FNDC7: variants seen among roughly 807,000 people sequenced by gnomAD.
FNDC7 encodes the protein fibronectin type III domain-containing protein 7.
In FNDC7, 66 loss-of-function variants were observed where a neutral mutation model predicts 74.2. The observed-to-expected ratio is 0.89, with a 90% CI of 0.73 to 1.09. The LOEUF (loss-of-function observed/expected upper bound fraction) is 1.09. Ranked by LOEUF, FNDC7 falls within the 50% of genes least tolerant of loss-of-function variation. The probability of loss-of-function intolerance (pLI) is 0.00; values close to 1 mark genes in which losing one functional copy is unlikely to be tolerated. For synonymous variants in FNDC7, 307 were observed against 330.2 expected (o/e 0.93, Z 0.76); for missense variants, 829 against 893.4 (o/e 0.93, Z 0.92).
intron 2 of FNDC7, among the ~76,000 whole-genome samples, chr1:108,715,547 T>C (rs1344903256): frequency 1.3e-5 from 2 of 152,200 alleles, no homozygotes; most frequent in Non-Finnish European, 2.9e-5. Flanking sequence ...GTTTGCCGCA[T>C]ACTCCTCAGA....
At chr1:108,740,623 G>A (rs1047705333) in intron 11 of FNDC7, among the ~76,000 whole-genome samples, 5 of 151,960 alleles carry the variant, frequency 3.3e-5, no homozygotes, top group Non-Finnish European at 5.9e-5. Context: ...CCACCGCACC[G>A]GCCATAAACA....
At chr1:108,724,493 C>A (rs938607786) in intron 5 of FNDC7, among the ~76,000 whole-genome samples, 3 of 151,980 alleles carry the variant, frequency 2.0e-5, no homozygotes, top group Non-Finnish European at 4.4e-5. Flanking sequence ...GGGGCTCATG[C>A]CTGTAATCTC....
rs537974686 is a variant in FNDC7, at chr1:108,728,934, T to G, written c.1624+48T>G. 8.1e-5 allele frequency: 130 copies of G among 1,595,576 alleles called. No homozygotes were observed. The South Asian group carries it at 1.4e-3, about 17-fold the overall frequency. On this transcript the variant is annotated intron_variant, in intron 8 of 12. Transcript: ENST00000370017. ...AATGTTGACTTCAGTGGGGTCCTTA[T>G]GGAGTGTTTCAAGACATGAACTTCC...
At chr1:108,731,527 T>C (rs1661356006) in intron 9 of FNDC7, among the ~76,000 whole-genome samples, 1 of 152,250 alleles carries the variant, frequency 6.6e-6, no homozygotes, top group Non-Finnish European at 1.5e-5. Flanking sequence ...ATAAAACTCT[T>C]GAGGATGCTT....
intron 5 of FNDC7, among the ~76,000 whole-genome samples, chr1:108,725,433 G>A (rs1021645717): frequency 6.6e-6 from 1 of 152,146 alleles, no homozygotes; most frequent in Admixed American, 6.5e-5. Context: ...ATAATCTAAC[G>A]ATGAAAATTT....
intron 10 of FNDC7, among the ~76,000 whole-genome samples, chr1:108,736,067 C>G (rs958767036): frequency 9.8e-5 from 15 of 152,326 alleles, no homozygotes; most frequent in African/African-American, 3.1e-4. Flanking sequence ...CGCAGCCTCC[C>G]AAAGAGCTGA....
intron 2 of FNDC7, among the ~76,000 whole-genome samples, chr1:108,716,321 GT>G (rs1557786106): frequency 0.1 from 9,583 of 92,254 alleles, 400 homozygotes; most frequent in East Asian, 0.2. Flanking sequence ...CAGAAGAGAG[GT>G]GTGTGTGTGT....
At chr1:108,740,049 A>AAAAC (rs1374562096) in intron 11 of FNDC7, among the ~76,000 whole-genome samples, 1 of 151,184 alleles carries the variant, frequency 6.6e-6, no homozygotes, top group African/African-American at 2.4e-5. Flanking sequence ...AAAAAAAAAA[A>AAAAC]ATCCCGCAAG....
At chr1:108,736,963 C>CTTTTTTTTTTTTTTT (rs1173562405) in intron 10 of FNDC7, among the ~76,000 whole-genome samples, 1 of 99,408 alleles carries the variant, frequency 1.0e-5, no homozygotes. Flanking sequence ...GCTTGGCATT[C>CTTTTTTTTTTTTTTT]TTTTTTTTTT....
Position 108,737,372 on chromosome 1 carries a change from C to A in FNDC7, c.2141-123C>A. On this transcript the variant is annotated intron_variant, in intron 10 of 12. Coordinates refer to ENST00000370017, the MANE Select transcript of FNDC7 (RefSeq NM_001144937.3). ...TAGTAGTATCTCCTTCTCTTATCACCCAAGTTCGTTCTTGTTCGTTTTTTG... is the reference window on the plus strand; with the variant it reads ...TAGTAGTATCTCCTTCTCTTATCACACAAGTTCGTTCTTGTTCGTTTTTTG... 3 of 743,294 alleles carry A rather than the reference C, an allele frequency of 4.0e-6. No individual in the cohort carries two copies. In the South Asian group the frequency reaches 5.2e-5, roughly 13 times the overall value. The allele number at this position is 743,294 out of a possible 1,614,324, so 46.0% of individuals were successfully genotyped here.
chr1:108,717,519 A>T (rs142283189), intron 2 of FNDC7, among the ~76,000 whole-genome samples: 131 of 152,322 alleles, frequency 8.6e-4, no homozygotes, highest in African/African-American at 3.1e-3. Flanking sequence ...TAAAAGTACA[A>T]AAAGTGCAAA....
intron 11 of FNDC7, among the ~76,000 whole-genome samples, chr1:108,739,783 T>C (rs903289797): frequency 6.6e-6 from 1 of 152,188 alleles, no homozygotes; most frequent in East Asian, 1.9e-4. Flanking sequence ...TGTCCTCTTT[T>C]CTGTCCTTCT....
intron 11 of FNDC7, among the ~76,000 whole-genome samples, chr1:108,740,160 T>G (rs993344564): frequency 1.3e-5 from 2 of 151,948 alleles, no homozygotes; most frequent in African/African-American, 4.8e-5. Flanking sequence ...GTCTTCAATT[T>G]CAGCATTTCC....
chr1:108,730,559 T>A (rs1419960587), intron 8 of FNDC7, 115 bp from the exon 9 acceptor site: 15 of 1,180,228 alleles, frequency 1.3e-5, no homozygotes, highest in Non-Finnish European at 1.8e-5. Context: ...AATGGAAAGT[T>A]GGGGAATGTA....
In FNDC7 at chr1:108,742,540, T is replaced by A. The variant is rs1241862640; in HGVS notation, c.*653T>A. On this transcript the variant is annotated 3_prime_UTR_variant, in exon 13 of 13. Transcript: ENST00000370017. ...ATCTGGGAAAGCAGAGCTGCCAGCC[T>A]GTTGCTAGAAGGGTTGCAGTTATGC... is the stretch of plus-strand genomic sequence containing the variant. 1.3e-5 allele frequency: 2 copies of A among 152,262 alleles called. No homozygotes were observed. Among genetic ancestry groups the A allele is most frequent in the Non-Finnish European group, 2.9e-5 (2 of 68,048 alleles). The allele number at this position is 152,262 out of a possible 1,614,324, so 9.4% of individuals were successfully genotyped here. A position where few individuals can be genotyped will look rare whatever the true frequency, so the allele number is the denominator to read the frequency against.
At chr1:108,730,647 A>G (rs4622086) in intron 8 of FNDC7, 27 bp from the exon 9 acceptor site, 61,548 of 1,483,704 alleles carry the variant, frequency 0.041, 1,552 homozygotes, top group Non-Finnish European at 0.049. Context: ...ATAAATCTCC[A>G]ATTCTTTTTC....
At position 108,722,589 on chromosome 1, in the gene FNDC7, A is replaced by C; in HGVS notation, c.853A>C (p.Thr285Pro). 1 of 1,611,972 alleles carries C rather than the reference A, an allele frequency of 6.2e-7. No homozygotes were observed. The highest frequency in any genetic ancestry group is 8.5e-7 in the Non-Finnish European group (1 of 1,178,632). ...ATCATCTTCAGCAATGACCCTGAAA[A>C]CTGGTATGTAAACAAGAGTGAGACT... ...SKSSSAMTLK[T>P]VACAPGRVTI... Residue 285 changes from threonine to proline, a missense_variant, in exon 5 of 13, where the codon ACT becomes CCT. By Grantham distance (38) the Thr-to-Pro change is conservative. Coordinates refer to ENST00000370017, the MANE Select transcript of FNDC7 (RefSeq NM_001144937.3).
At chr1:108,731,618 G>T (rs1661357814) in intron 9 of FNDC7, among the ~76,000 whole-genome samples, 1 of 152,212 alleles carries the variant, frequency 6.6e-6, no homozygotes, top group Middle Eastern at 3.2e-3. Context: ...TATAATTTTG[G>T]CATCCTAGAG....
chr1:108,717,265 C>A (rs1365721840), intron 2 of FNDC7, among the ~76,000 whole-genome samples: 1 of 152,150 alleles, frequency 6.6e-6, no homozygotes, highest in Non-Finnish European at 1.5e-5. Flanking sequence ...ATCTGGAAAA[C>A]GTGCAAAGTG....
Sources: allele counts gnomAD v4.1 joint callset (sites outside exome capture counted in the v4.1 genomes callset), GRCh38; gene constraint gnomAD v4.1.1; transcripts MANE v1.5; gene names NCBI Gene and HGNC (gene_info 2026-07-23, HGNC 2026-07-21).